Variants in EVL observed in about 807,000 individuals in gnomAD.
EVL encodes Enah/Vasp-like, also known as ena/VASP-like protein.
Under a neutral mutation model 59.6 loss-of-function variants are expected in EVL, and 21 were observed. The observed-to-expected ratio is 0.35, with a 90% confidence interval of 0.25 to 0.51. The LOEUF is 0.51. EVL is among the 20% of genes least tolerant of loss of function. EVL has a pLI of 0.97. For missense variants in EVL, 462 were observed against 546.6 expected (o/e 0.85, Z 1.54); for synonymous variants, 198 against 203.5 (o/e 0.97, Z 0.23).
chr14:100,128,836 G>A (rs1347657557), intron 6 of EVL, 88 bp downstream of exon 6: 45 of 1,185,030 alleles, frequency 3.8e-5, no homozygotes, highest in Non-Finnish European at 4.5e-5. Flanking sequence ...CCGCATCTGC[G>A]AGACACAGCA....
At chr14:100,054,806 C>T (rs927027036) in intron 1 of EVL, among the ~76,000 whole-genome samples, 2 of 152,104 alleles carry the variant, frequency 1.3e-5, no homozygotes, top group Non-Finnish European at 2.9e-5. Context: ...TGACATTAAA[C>T]TTTTCTTTCA....
chr14:100,043,688 C>T (rs569609706), intron 1 of EVL, among the ~76,000 whole-genome samples: 5 of 150,572 alleles, frequency 3.3e-5, no homozygotes, highest in South Asian at 2.1e-4. Context: ...TCATGGCACA[C>T]TGTAGCCTCA....
chr14:100,064,238 T>C (rs1249726658), upstream of EVL, among the ~76,000 whole-genome samples: 3 of 152,156 alleles, frequency 2.0e-5, no homozygotes, highest in African/African-American at 7.2e-5. Flanking sequence ...TTTTAATGGA[T>C]CTATTAAATA....
At chr14:100,043,082 A>G (rs1348173333) in intron 1 of EVL, among the ~76,000 whole-genome samples, 1 of 152,126 alleles carries the variant, frequency 6.6e-6, no homozygotes, top group East Asian at 1.9e-4. Context: ...GTAGGTTCAC[A>G]TAGACCTGTT....
At chr14:100,019,234 C>T in intron 1 of EVL, 1 of 164,650 alleles carries the variant, frequency 6.1e-6, no homozygotes, top group Non-Finnish European at 1.3e-5. Flanking sequence ...AGGCAGATCA[C>T]AGCGGAACAG....
intron 1 of EVL, among the ~76,000 whole-genome samples, chr14:100,003,160 A>T (rs59754977): frequency 6.6e-6 from 1 of 152,062 alleles, no homozygotes; most frequent in Non-Finnish European, 1.5e-5. Flanking sequence ...CTCTTCCACT[A>T]TAGTCCCTGG....
chr14:100,118,840 G>A (rs2140359242), intron 3 of EVL, among the ~76,000 whole-genome samples: 1 of 152,348 alleles, frequency 6.6e-6, no homozygotes, highest in East Asian at 1.9e-4. Flanking sequence ...TCACCACTGT[G>A]TTTGGGAGGA....
At chr14:100,096,117 C>A (rs2140318132) in intron 2 of EVL, among the ~76,000 whole-genome samples, 1 of 152,282 alleles carries the variant, frequency 6.6e-6, no homozygotes, top group East Asian at 1.9e-4. Flanking sequence ...CCAAGCCCAC[C>A]TTCCACCCAA....
At chr14:100,126,652 T>C (rs1241105491) in intron 4 of EVL, 55 bp from the exon 5 acceptor site, 8 of 1,589,520 alleles carry the variant, frequency 5.0e-6, no homozygotes, top group South Asian at 3.3e-5. Flanking sequence ...AGGCACAGAG[T>C]GTGGTGGTCT....
At position 100,114,183 on chromosome 14, in the gene EVL, A is replaced by G. The variant is rs1423237343; in HGVS notation, c.359-9356A>G. On this transcript the variant is annotated intron_variant, in intron 3 of 13. Transcript: ENST00000392920. The surrounding 1 kb of genome is among the most constrained non-coding windows in gnomAD (Gnocchi z 5.0). ...GCGAAGGAGGGCCGGGGGGGAATCA[A>G]ATGAGCCTTACTTCTGTGAGCGGGT... is the stretch of plus-strand genomic sequence containing the variant. Among the ~76,000 whole-genome samples, 2 of 151,974 alleles carry G rather than the reference A, an allele frequency of 1.3e-5. No homozygotes were observed. The highest frequency in any genetic ancestry group is 2.9e-5 in the Non-Finnish European group (2 of 67,976).
intron 1 of EVL, chr14:100,019,832 A>G: frequency 1.0e-5 from 8 of 789,262 alleles, no homozygotes; most frequent in African/African-American, 1.8e-5. Context: ...TATCCCAGTC[A>G]TGGGGGTGGG....
intron 5 of EVL, among the ~76,000 whole-genome samples, chr14:100,128,150 G>A (rs1041455387): frequency 6.6e-6 from 1 of 152,214 alleles, no homozygotes; most frequent in Non-Finnish European, 1.5e-5. Context: ...CCTAGGGGGT[G>A]CTAGGTGCTT....
intron 1 of EVL, among the ~76,000 whole-genome samples, chr14:100,035,575 CA>C (rs2061377189): frequency 6.6e-6 from 1 of 152,080 alleles, no homozygotes; most frequent in South Asian, 2.1e-4. Flanking sequence ...ACAGGTGCGT[CA>C]TTTACCCTCT....
intron 1 of EVL, among the ~76,000 whole-genome samples, chr14:100,037,016 A>G (rs1201930621): frequency 1.3e-5 from 2 of 152,248 alleles, no homozygotes; most frequent in Non-Finnish European, 2.9e-5. Context: ...GCTGTCCACA[A>G]GCCAAGGAGA....
intron 3 of EVL, among the ~76,000 whole-genome samples, chr14:100,122,730 A>G (rs572729832): frequency 1.3e-5 from 2 of 152,338 alleles, no homozygotes; most frequent in African/African-American, 4.8e-5. Flanking sequence ...GAGCTGGCAG[A>G]GAAGGAACAG....
chr14:99,990,509 C>T (rs2060868502), intron 1 of EVL, among the ~76,000 whole-genome samples: 1 of 152,080 alleles, frequency 6.6e-6, no homozygotes, highest in African/African-American at 2.4e-5. Context: ...TTTCCCTCTC[C>T]TGACAGCCCT....
chr14:100,143,576 G>A (rs1889332991), intron 13 of EVL, 125 bp from the exon 14 acceptor site: 3 of 1,169,812 alleles, frequency 2.6e-6, no homozygotes, highest in Non-Finnish European at 3.7e-6. Context: ...AGCCTGGGTG[G>A]GGCTCCCAGG....
intron 2 of EVL, among the ~76,000 whole-genome samples, chr14:100,088,804 A>G (rs1443295611): frequency 2.0e-5 from 3 of 152,180 alleles, no homozygotes; most frequent in African/African-American, 7.2e-5. Context: ...ATGGGCTCCT[A>G]TGCAAAAAGT....
intron 3 of EVL, among the ~76,000 whole-genome samples, chr14:100,113,606 G>T (rs928360122): frequency 6.6e-6 from 1 of 152,148 alleles, no homozygotes; most frequent in Non-Finnish European, 1.5e-5. Context: ...AAGGAATGAG[G>T]TGCCAAGCTT....
Sources: allele counts gnomAD v4.1 joint callset (sites outside exome capture counted in the v4.1 genomes callset), GRCh38; gene constraint gnomAD v4.1.1; non-coding constraint Gnocchi (gnomAD v3.1); transcripts MANE v1.5; gene names NCBI Gene and HGNC (gene_info 2026-07-23, HGNC 2026-07-21).